The following ANK1 variants were observed in gnomAD, a reference collection of about 807,000 sequenced individuals.
ANK1 encodes the protein ankyrin 1.
In ANK1, 51 loss-of-function variants were observed where a neutral mutation model predicts 210.4. The ratio of observed to expected loss-of-function variants is 0.24; its 90% CI spans 0.19 to 0.31. The LOEUF is 0.31. ANK1 is among the 10% of genes least tolerant of loss of function. The pLI, the probability that ANK1 is intolerant of heterozygous loss-of-function variation, is 1.00. For missense variants in ANK1, 2,051 were observed against 2,504.4 expected (o/e 0.82, Z 3.86); for synonymous variants, 967 against 1,025.9 (o/e 0.94, Z 1.10).
At chr8:41,662,225 C>G (rs550532693) in intron 40 of ANK1, among the ~76,000 whole-genome samples, 44 of 151,950 alleles carry the variant, frequency 2.9e-4, no homozygotes, top group African/African-American at 1.0e-3. Flanking sequence ...TCACTGCACT[C>G]CAGCCTGGTT....
intron 38 of ANK1, 76 bp downstream of exon 38, chr8:41,672,278 C>A: frequency 6.5e-7 from 1 of 1,527,824 alleles, no homozygotes; most frequent in Non-Finnish European, 9.0e-7. Context: ...ACACCTCTGT[C>A]CTCACTGCCA....
intron 36 of ANK1, 67 bp from the exon 37 acceptor site, chr8:41,684,757 A>T (rs1817214021): frequency 6.4e-7 from 1 of 1,558,914 alleles, no homozygotes; most frequent in Non-Finnish European, 8.8e-7. Context: ...GGGCTCAGAA[A>T]ATGGGGCCAG....
chr8:41,778,468 A>T (rs1419170812), intron 1 of ANK1, among the ~76,000 whole-genome samples: 1 of 152,228 alleles, frequency 6.6e-6, no homozygotes, highest in African/African-American at 2.4e-5. Context: ...GTGGGGATCC[A>T]TTTCAATACC....
chr8:41,786,328 T>C (rs1445094671), intron 1 of ANK1, among the ~76,000 whole-genome samples: 2 of 152,214 alleles, frequency 1.3e-5, no homozygotes, highest in South Asian at 4.1e-4. Flanking sequence ...TGAGAGAACC[T>C]TGGGGACCCT....
chr8:41,741,344 G>A (rs72640303), intron 2 of ANK1, among the ~76,000 whole-genome samples: 7 of 152,236 alleles, frequency 4.6e-5, no homozygotes, highest in African/African-American at 9.6e-5. Flanking sequence ...GGCTCCTGAC[G>A]TAGCCCAATA....
At chr8:41,657,476 T>G (rs1377452261) in intron 42 of ANK1, among the ~76,000 whole-genome samples, 1 of 152,266 alleles carries the variant, frequency 6.6e-6, no homozygotes, top group African/African-American at 2.4e-5. Flanking sequence ...TTACCGTCTC[T>G]GTCCATCTGT....
chr8:41,728,372 G>T (rs2150663884), intron 3 of ANK1, among the ~76,000 whole-genome samples: 1 of 152,334 alleles, frequency 6.6e-6, no homozygotes, highest in African/African-American at 2.4e-5. Context: ...TACATAATGT[G>T]CACACGTGGA....
At chr8:41,757,885 G>T in intron 2 of ANK1, 151 bp downstream of exon 2, 1 of 790,544 alleles carries the variant, frequency 1.3e-6, no homozygotes, top group Non-Finnish European at 2.2e-6. Flanking sequence ...AGTGGAAACA[G>T]CAAGGTTAGG....
intron 1 of ANK1, among the ~76,000 whole-genome samples, chr8:41,879,631 C>T (rs547672024): frequency 2.6e-5 from 4 of 152,248 alleles, no homozygotes; most frequent in African/African-American, 9.6e-5. Flanking sequence ...AAAGAGGTGC[C>T]GCTGGACAGA....
chr8:41,659,649 T>C (rs1430171523), intron 42 of ANK1, among the ~76,000 whole-genome samples: 1 of 152,152 alleles, frequency 6.6e-6, no homozygotes, highest in Non-Finnish European at 1.5e-5. Context: ...TCTGGGACTT[T>C]GGCAGGAGCT....
intron 13 of ANK1, 58 bp from the exon 14 acceptor site, chr8:41,715,907 T>G: frequency 6.2e-7 from 1 of 1,605,336 alleles, no homozygotes; most frequent in Non-Finnish European, 8.5e-7. Context: ...AATCCAACTT[T>G]TCATCTTACA....
rs1273182651 is a variant in ANK1, at chr8:41,692,756, G to A, written c.3750C>T (p.Asp1250=). 6 of 1,614,074 alleles carry A rather than the reference G, an allele frequency of 3.7e-6. No individual in the cohort carries two copies. Among genetic ancestry groups the A allele is most frequent in the Non-Finnish European group, 5.1e-6 (6 of 1,180,006 alleles). ...AKFVIFAKMN[D]PREGRLRCYC... ...AGCAGCGCAGGCGCCCCTCTCGGGG[G>A]TCATTCATCTTGGCAAAGATGACGA... The change falls in exon 31 of 43, where the codon GAC becomes GAT. Residue 1250 remains aspartate (D), a synonymous_variant. Transcript: ENST00000289734.
At chr8:41,656,366 C>T (rs548731433) in intron 42 of ANK1, among the ~76,000 whole-genome samples, 1 of 152,342 alleles carries the variant, frequency 6.6e-6, no homozygotes, top group African/African-American at 2.4e-5. Context: ...CACTTCCTGA[C>T]CGCTGCCTCT....
intron 1 of ANK1, among the ~76,000 whole-genome samples, chr8:41,814,986 G>A (rs1803090647): frequency 6.6e-6 from 1 of 151,856 alleles, no homozygotes; most frequent in African/African-American, 2.4e-5. Context: ...AACTTCCAGG[G>A]GCCCATCTGA....
chr8:41,846,764 T>C (rs1000502857), intron 1 of ANK1, among the ~76,000 whole-genome samples: 1 of 152,182 alleles, frequency 6.6e-6, no homozygotes, highest in Non-Finnish European at 1.5e-5. Context: ...GAGGATACCC[T>C]ACGGCCCTCA....
chr8:41,893,116 C>T (rs1376501920), intron 1 of ANK1, among the ~76,000 whole-genome samples: 4 of 152,170 alleles, frequency 2.6e-5, no homozygotes, highest in Non-Finnish European at 2.9e-5. Context: ...TCTTCCTGTC[C>T]TCTTCTCCTC....
intron 1 of ANK1, among the ~76,000 whole-genome samples, chr8:41,870,796 C>A (rs548046232): frequency 3.3e-5 from 5 of 152,324 alleles, no homozygotes; most frequent in Admixed American, 2.0e-4. Flanking sequence ...GGCACTCTGG[C>A]CATGGCACCT....
At chr8:41,688,466 T>G in intron 34 of ANK1, 45 bp downstream of exon 34, 1 of 1,601,462 alleles carries the variant, frequency 6.2e-7, no homozygotes, top group East Asian at 2.2e-5. Context: ...ACGCCCACCC[T>G]TCTTGGGAAG....
intron 40 of ANK1, 80 bp from the exon 41 acceptor site, chr8:41,662,021 GGCTGACGT>G (rs941687078): frequency 5.9e-6 from 9 of 1,528,138 alleles, no homozygotes; most frequent in Non-Finnish European, 8.1e-6. Flanking sequence ...CACTTTGGGA[GGCTGACGT>G]GCAGATCATC....
Sources: allele counts gnomAD v4.1 joint callset (sites outside exome capture counted in the v4.1 genomes callset), GRCh38; gene constraint gnomAD v4.1.1; transcripts MANE v1.5; gene names NCBI Gene and HGNC (gene_info 2026-07-23, HGNC 2026-07-21).